Variants in VDAC2 observed in about 807,000 individuals in gnomAD.
The protein encoded by VDAC2 is voltage dependent anion channel 2.
In VDAC2, 6 loss-of-function variants were observed where a neutral mutation model predicts 36.6. The ratio of observed to expected loss-of-function variants is 0.16; its 90% CI spans 0.09 to 0.32. VDAC2 has a LOEUF of 0.32. Ranked by LOEUF, VDAC2 falls within the 10% of genes least tolerant of loss-of-function variation. The probability of loss-of-function intolerance (pLI) is 1.00; values close to 1 mark genes in which losing one functional copy is unlikely to be tolerated. For synonymous variants in VDAC2, 109 were observed against 123.8 expected, an observed-to-expected ratio of 0.88 and a Z score of 0.79; for missense variants, 247 against 346.0, an observed-to-expected ratio of 0.71 and a Z score of 2.27.
intron 7 of VDAC2, among the ~76,000 whole-genome samples, chr10:75,221,236 C>G (rs1841804292): frequency 6.6e-6 from 1 of 152,190 alleles, no homozygotes; most frequent in Non-Finnish European, 1.5e-5. Flanking sequence ...TATTGGCAGA[C>G]TGCTACCAGT....
intron 8 of VDAC2, among the ~76,000 whole-genome samples, chr10:75,225,680 G>T (rs1841932510): frequency 6.6e-6 from 1 of 152,204 alleles, no homozygotes; most frequent in Admixed American, 6.5e-5. Context: ...ATGGGGGTGT[G>T]TCCTGTGACT....
At position 75,229,715 on chromosome 10, in the gene VDAC2, A is replaced by G; in HGVS notation, c.793+14A>G. The G allele has an allele frequency of 6.3e-7, 1 of 1,584,416 alleles. No homozygotes were observed. Among genetic ancestry groups the G allele is most frequent in the Non-Finnish European group, 8.6e-7 (1 of 1,168,992 alleles). On this transcript the variant is annotated intron_variant, in intron 9 of 9. Coordinates refer to ENST00000332211, the MANE Select transcript of VDAC2 (RefSeq NM_001391963.1). ...CTCTGAGGCCTGGTAAGTATTCTTG[A>G]TAAAGTAGGATTGTTTTGATAGTAT...
At chr10:75,215,613 A>G (rs928650119) in intron 4 of VDAC2, among the ~76,000 whole-genome samples, 2 of 152,082 alleles carry the variant, frequency 1.3e-5, no homozygotes, top group Non-Finnish European at 2.9e-5. Context: ...CGGGCTCCCA[A>G]AGTGCTGGGA....
chr10:75,228,502 G>A (rs1842022507), intron 8 of VDAC2, among the ~76,000 whole-genome samples: 1 of 151,890 alleles, frequency 6.6e-6, no homozygotes, highest in Non-Finnish European at 1.5e-5. Flanking sequence ...TGGTCCTCCC[G>A]CCTTGGCCTC....
At chr10:75,230,543 C>T (rs572238369) in intron 9 of VDAC2, among the ~76,000 whole-genome samples, 7 of 152,244 alleles carry the variant, frequency 4.6e-5, no homozygotes, top group African/African-American at 1.4e-4. Flanking sequence ...GATTTACCCC[C>T]GTTCCCAAAT....
At position 75,211,657 on chromosome 10, in the gene VDAC2, T is replaced by G. The variant is rs779482450; in HGVS notation, c.31+468T>G. On this transcript the variant is annotated intron_variant, in intron 2 of 9. Coordinates refer to ENST00000332211, the MANE Select transcript of VDAC2 (RefSeq NM_001391963.1). ...ATTGGCCGAGGACTTGAGAGTCACA[T>G]TAGTAAGTTTGAAGCGCTATTTGAT... 9.0e-6 allele frequency: 14 copies of G among 1,550,480 alleles called. No individual in the cohort carries two copies. The African/African-American group carries it at 1.8e-4, about 20-fold the overall frequency.
intron 8 of VDAC2, among the ~76,000 whole-genome samples, chr10:75,228,327 C>G (rs968895350): frequency 1.3e-5 from 2 of 151,292 alleles, no homozygotes; most frequent in Non-Finnish European, 2.9e-5. Context: ...GGTGCAATCA[C>G]AGCTCACTGT....
At chr10:75,225,816 G>GTT (rs544661131) in intron 8 of VDAC2, among the ~76,000 whole-genome samples, 112 of 150,392 alleles carry the variant, frequency 7.4e-4, no homozygotes, top group African/African-American at 2.7e-3. Flanking sequence ...GTTTTGTTTT[G>GTT]TTTTGAGACG....
intron 4 of VDAC2, among the ~76,000 whole-genome samples, chr10:75,218,458 C>T (rs61859876): frequency 0.024 from 3,595 of 152,214 alleles, 89 homozygotes; most frequent in Middle Eastern, 0.054. Flanking sequence ...CTTAGCAAAA[C>T]CTTCCTTAAA....
intron 2 of VDAC2, among the ~76,000 whole-genome samples, chr10:75,211,919 C>T (rs572585925): frequency 3.5e-4 from 53 of 152,346 alleles, no homozygotes; most frequent in African/African-American, 1.2e-3. Flanking sequence ...TATCCATACA[C>T]ACAAATACTT....
Position 75,219,339 on chromosome 10 carries a change from C to T in VDAC2, c.339C>T (p.Thr113=). ...CQGLKLTFDT[T]FSPNTGKKSG... is the part of the protein sequence containing the mutation. ...GTTTGAAACTGACATTTGATACTAC[C>T]TTCTCACCAAACACAGGGTAAGCAC... Residue 113 remains threonine (T), a synonymous_variant, in exon 6 of 10, where the codon ACC becomes ACT. Coordinates refer to ENST00000332211, the MANE Select transcript of VDAC2 (RefSeq NM_001391963.1). 2 of 1,599,970 alleles carry T rather than the reference C, an allele frequency of 1.3e-6. No homozygotes were observed.
chr10:75,229,561 A>C lies in VDAC2; in HGVS notation c.736-83A>C, dbSNP rs915956071. On this transcript the variant is annotated intron_variant, in intron 8 of 9. Coordinates refer to ENST00000332211, the MANE Select transcript of VDAC2 (RefSeq NM_001391963.1). Reference sequence around the variant, plus strand: ...TCACGTGAATAAAACTGAACACTTCATGATTACATGATGGGGAAACATGTA... The same window carrying C: ...TCACGTGAATAAAACTGAACACTTCCTGATTACATGATGGGGAAACATGTA... The C allele has an allele frequency of 9.0e-6, 10 of 1,114,152 alleles. No homozygotes were observed. The South Asian group carries it at 1.4e-4, about 16-fold the overall frequency. 69.0% of individuals were successfully genotyped at this position (1,114,152 alleles called of 1,614,324 possible). A position where few individuals can be genotyped will look rare whatever the true frequency, so the allele number is the denominator to read the frequency against.
chr10:75,230,061 AG>A (rs1305215598), intron 9 of VDAC2, among the ~76,000 whole-genome samples: 3 of 152,150 alleles, frequency 2.0e-5, no homozygotes, highest in African/African-American at 7.2e-5. Flanking sequence ...TGTTGATCAA[AG>A]TTCACTCATT....
intron 4 of VDAC2, among the ~76,000 whole-genome samples, chr10:75,217,401 TCTCA>T (rs1264034772): frequency 6.6e-6 from 1 of 151,998 alleles, no homozygotes; most frequent in Admixed American, 6.6e-5. Context: ...GGAAATGGAG[TCTCA>T]CTCACTCCAT....
intron 4 of VDAC2, among the ~76,000 whole-genome samples, chr10:75,216,656 A>G (rs534145058): frequency 2.0e-5 from 3 of 152,224 alleles, no homozygotes; most frequent in Non-Finnish European, 2.9e-5. Flanking sequence ...CTGGTCCCAC[A>G]GGGTGGTGTT....
In VDAC2 at chr10:75,211,163, C is replaced by T. The variant is rs1841405341; in HGVS notation, c.5C>T (p.Ala2Val). ...CCCTCTTCCCGCGGCCTCGCCATGG[C>T]GACCCACGGACAGACTTGCGCGCGT... Reference protein sequence around the residue: MATHGQTCARPM... With the variant: MVTHGQTCARPM... The change falls in exon 2 of 10, where the codon GCG becomes GTG. Residue 2 changes from alanine to valine, a missense_variant. Physicochemically the swap from Ala to Val is moderately conservative, Grantham distance 64. Transcript: ENST00000332211. 3.7e-6 allele frequency: 6 copies of T among 1,612,248 alleles called. No homozygotes were observed. The highest frequency in any genetic ancestry group is 5.1e-6 in the Non-Finnish European group (6 of 1,179,260).
intron 8 of VDAC2, among the ~76,000 whole-genome samples, chr10:75,227,188 T>A (rs1261409832): frequency 1.3e-5 from 2 of 152,222 alleles, no homozygotes; most frequent in East Asian, 3.8e-4. Context: ...ATATCCTATA[T>A]AACTGGTAAA....
chr10:75,211,123 C>CCCTCCCGCAGATTCCCCT lies in VDAC2; in HGVS notation c.-25-9_-17dup. 2 of 1,604,126 alleles carry CCCTCCCGCAGATTCCCCT rather than the reference C, an allele frequency of 1.2e-6. No homozygotes were observed. On this transcript the variant is annotated splice_polypyrimidine_tract_variant and intron_variant, in intron 1 of 9. Coordinates refer to ENST00000332211, the MANE Select transcript of VDAC2 (RefSeq NM_001391963.1). ...GACCCCAGCTTACCGCACTTCTTGT[C>CCCTCCCGCAGATTCCCCT]CCTCCCGCAGATTCCCCTCTTCCCG...
At position 75,211,354 on chromosome 10, in the gene VDAC2, C is replaced by G. The variant is rs1589995856; in HGVS notation, c.31+165C>G. 5 of 1,384,552 alleles carry G rather than the reference C, an allele frequency of 3.6e-6. No individual in the cohort carries two copies. The South Asian group carries it at 5.8e-5, about 16-fold the overall frequency. The allele number at this position is 1,384,552 out of a possible 1,614,324, so 85.8% of individuals were successfully genotyped here. ...CCTCCTCTGCGGAGGAGGGGCTGGG[C>G]TGCTGGATTTCAAATGGGGAACAAG... is the stretch of plus-strand genomic sequence containing the variant. On this transcript the variant is annotated intron_variant, in intron 2 of 9. Transcript: ENST00000332211.
Sources: gnomAD v4.1 joint callset for allele counts (sites outside exome capture counted in the v4.1 genomes callset) on GRCh38, gnomAD v4.1.1 for gene constraint, MANE v1.5 for transcripts, NCBI Gene and HGNC (gene_info 2026-07-23, HGNC 2026-07-21) for gene names.